WDPCP: variants seen among roughly 807,000 people sequenced by gnomAD.
WDPCP encodes the protein WD repeat containing planar cell polarity effector, also known as WD repeat-containing and planar cell polarity effector protein fritz homolog.
Under a neutral mutation model 93.1 loss-of-function variants are expected in WDPCP, and 71 were observed. The observed-to-expected ratio is 0.76, with a 90% confidence interval of 0.63 to 0.93. The LOEUF (loss-of-function observed/expected upper bound fraction) is 0.93. WDPCP is among the 40% of genes least tolerant of loss of function. The probability of loss-of-function intolerance (pLI) is 0.00; values close to 1 mark genes in which losing one functional copy is unlikely to be tolerated. For synonymous variants in WDPCP, 315 were observed against 315.0 expected, an observed-to-expected ratio of 1.00 and a Z score of 0.00; for missense variants, 844 against 887.4, an observed-to-expected ratio of 0.95 and a Z score of 0.62.
chr2:63,449,163 GA>G (rs910036508), intron 6 of WDPCP, among the ~76,000 whole-genome samples: 45 of 150,774 alleles, frequency 3.0e-4, no homozygotes, highest in Middle Eastern at 3.4e-3. Context: ...GAATAAAAGT[GA>G]AAAAAAAATC....
At chr2:63,543,752 C>T (rs1006948913) in intron 1 of WDPCP, among the ~76,000 whole-genome samples, 4 of 151,968 alleles carry the variant, frequency 2.6e-5, no homozygotes, top group South Asian at 2.1e-4. Flanking sequence ...AACTGATCAA[C>T]AATTACTCGA....
At chr2:63,133,573 T>C (rs1670432032) in intron 17 of WDPCP, among the ~76,000 whole-genome samples, 1 of 152,190 alleles carries the variant, frequency 6.6e-6, no homozygotes, top group Non-Finnish European at 1.5e-5. Flanking sequence ...GTTCTTATGA[T>C]AGTGAAGAGT....
chr2:63,540,746 T>C (rs182241478), intron 1 of WDPCP, among the ~76,000 whole-genome samples: 2 of 152,000 alleles, frequency 1.3e-5, no homozygotes, highest in African/African-American at 2.4e-5. Flanking sequence ...ATAGTGGTTT[T>C]TTTGTTTGTT....
At chr2:63,776,693 A>G (rs2103961355) in intron 2 of WDPCP, among the ~76,000 whole-genome samples, 1 of 151,914 alleles carries the variant, frequency 6.6e-6, no homozygotes, top group East Asian at 1.9e-4. Context: ...TAAAGATAGA[A>G]AACAAGCACA....
chr2:63,519,415 G>A (rs1476615227), intron 1 of WDPCP: 1 of 152,340 alleles, frequency 6.6e-6, no homozygotes, highest in Non-Finnish European at 1.5e-5. Flanking sequence ...CAGACTGTGA[G>A]AGTACATGCT....
intron 1 of WDPCP, among the ~76,000 whole-genome samples, chr2:63,524,723 C>T (rs1703192803): frequency 6.6e-6 from 1 of 152,088 alleles, no homozygotes; most frequent in Admixed American, 6.6e-5. Context: ...ATGGCAAAAG[C>T]AATGCAATAA....
chr2:63,501,542 G>A (rs901191467), intron 1 of WDPCP, among the ~76,000 whole-genome samples: 1 of 152,224 alleles, frequency 6.6e-6, no homozygotes, highest in Non-Finnish European at 1.5e-5. Context: ...CTCCAGCCTA[G>A]ATGACAGAGC....
At chr2:63,465,498 GTCTC>G (rs906168981) in intron 6 of WDPCP, among the ~76,000 whole-genome samples, 1 of 152,072 alleles carries the variant, frequency 6.6e-6, no homozygotes, top group Non-Finnish European at 1.5e-5. Flanking sequence ...TACCATTTGT[GTCTC>G]TCTAATTTTT....
chr2:63,524,457 C>T (rs1331541920), intron 1 of WDPCP, among the ~76,000 whole-genome samples: 1 of 152,138 alleles, frequency 6.6e-6, no homozygotes, highest in African/African-American at 2.4e-5. Context: ...CATACAACCA[C>T]AACTCTCTGA....
intron 9 of WDPCP, among the ~76,000 whole-genome samples, chr2:63,415,373 G>T (rs962393985): frequency 6.6e-6 from 1 of 151,910 alleles, no homozygotes; most frequent in African/African-American, 2.4e-5. Flanking sequence ...AAAAAACAAA[G>T]GAAAATACTT....
intron 2 of WDPCP, among the ~76,000 whole-genome samples, chr2:63,716,584 G>C (rs1201392143): frequency 6.6e-6 from 1 of 152,126 alleles, no homozygotes; most frequent in African/African-American, 2.4e-5. Context: ...CACCCATTTT[G>C]TTTCTAGTTG....
chr2:63,311,019 T>G (rs1336571221), intron 13 of WDPCP, among the ~76,000 whole-genome samples: 1 of 152,232 alleles, frequency 6.6e-6, no homozygotes, highest in Admixed American at 6.5e-5. Context: ...AAATTCTAAC[T>G]CCTTTATATG....
chr2:63,771,134 TA>T (rs1670220062), intron 2 of WDPCP, among the ~76,000 whole-genome samples: 1 of 151,582 alleles, frequency 6.6e-6, no homozygotes, highest in African/African-American at 2.4e-5. Flanking sequence ...GCTGAGCTAA[TA>T]AAATTGATTT....
chr2:63,303,383 C>T (rs930545978), intron 13 of WDPCP, among the ~76,000 whole-genome samples: 3 of 152,106 alleles, frequency 2.0e-5, no homozygotes, highest in African/African-American at 7.2e-5. Context: ...TGGCCTTTAC[C>T]TTATTCTATA....
At chr2:63,208,087 G>C (rs1417220089) in intron 14 of WDPCP, among the ~76,000 whole-genome samples, 2 of 151,844 alleles carry the variant, frequency 1.3e-5, no homozygotes, top group Non-Finnish European at 1.5e-5. Flanking sequence ...CTCTGAGTTT[G>C]TTATCCTTAT....
At chr2:63,168,326 G>A (rs1673144293) in intron 15 of WDPCP, among the ~76,000 whole-genome samples, 1 of 151,578 alleles carries the variant, frequency 6.6e-6, no homozygotes, top group African/African-American at 2.4e-5. Flanking sequence ...TCTGTAATTA[G>A]TATGGTTACT....
At chr2:63,512,592 G>A (rs1457450789) in intron 1 of WDPCP, among the ~76,000 whole-genome samples, 1 of 152,150 alleles carries the variant, frequency 6.6e-6, no homozygotes, top group African/African-American at 2.4e-5. Context: ...GTCCTTTGCA[G>A]GGGCATAGAT....
intron 17 of WDPCP, among the ~76,000 whole-genome samples, chr2:63,142,589 G>A (rs371385689): frequency 6.6e-6 from 1 of 152,104 alleles, no homozygotes; most frequent in Admixed American, 6.6e-5. Context: ...TCCATGCACT[G>A]TGTGTTCTGT....
At position 63,519,722 on chromosome 2, in the gene WDPCP, A is replaced by G. The variant is rs1575570887; in HGVS notation, c.76-26782T>C. On this transcript the variant is annotated intron_variant, in intron 1 of 17. Transcript: ENST00000272321. ...CCCCCAAGGACATCAAGGAGGATAA[A>G]AGAAAAAAAAAATCAAAAGTCAGCA... Among the ~76,000 whole-genome samples, 3 of 152,286 alleles carry G rather than the reference A, an allele frequency of 2.0e-5. 1 individual carries two copies. Among genetic ancestry groups the G allele is most frequent in the African/African-American group, 7.2e-5 (3 of 41,560 alleles).
Sources: allele counts gnomAD v4.1 joint callset (sites outside exome capture counted in the v4.1 genomes callset), GRCh38; gene constraint gnomAD v4.1.1; transcripts MANE v1.5; gene names NCBI Gene and HGNC (gene_info 2026-07-23, HGNC 2026-07-21).